Variants in CPAP observed in about 807,000 individuals in gnomAD.
CPAP encodes centrosomal P4.1-associated protein.
At chr13:24,912,588 A>C in the CPAP span, 1 of 1,613,290 alleles carries the variant, frequency 6.2e-7, no homozygotes. Flanking sequence ...GTACCTGTTC[A>C]AGTTTTTTAA....
At chr13:24,883,330 T>TC in the CPAP span, 1 of 1,613,808 alleles carries the variant, frequency 6.2e-7, no homozygotes. Context: ...TATGTAGTTC[T>TC]CTTTGGCCAT....
At chr13:24,924,122 C>T in the CPAP span, among the ~76,000 whole-genome samples, 7 of 152,238 alleles carry the variant, frequency 4.6e-5, no homozygotes, top group East Asian at 9.6e-4. Context: ...CGTGAGCCAC[C>T]GCGCCCGGCC....
chr13:24,904,189 C>T, the CPAP span: 212 of 1,051,202 alleles, frequency 2.0e-4, no homozygotes, highest in Admixed American at 3.6e-4. Context: ...AGAAACAATG[C>T]TTCAAACATG....
chr13:24,886,127 AAC>A, the CPAP span: 1 of 413,794 alleles, frequency 2.4e-6, no homozygotes, highest in Non-Finnish European at 4.7e-6. Context: ...TTACAAAATA[AAC>A]ACGCCCCCAC....
chr13:24,887,878 G>A, the CPAP span, among the ~76,000 whole-genome samples: 1 of 152,142 alleles, frequency 6.6e-6, no homozygotes, highest in Admixed American at 6.6e-5. Context: ...GTGCAGAGTT[G>A]CTGCAAGTCT....
At chr13:24,899,074 T>C in the CPAP span, among the ~76,000 whole-genome samples, 4 of 152,208 alleles carry the variant, frequency 2.6e-5, no homozygotes, top group African/African-American at 9.6e-5. Context: ...TAAATTATGA[T>C]AAATGAACAG....
At chr13:24,907,829 G>T in the CPAP span, among the ~76,000 whole-genome samples, 1 of 152,126 alleles carries the variant, frequency 6.6e-6, no homozygotes, top group Non-Finnish European at 1.5e-5. Flanking sequence ...CAATGTCAAG[G>T]CAGCTTGACA....
chr13:24,884,472 C>A, the CPAP span: 5 of 1,613,786 alleles, frequency 3.1e-6, no homozygotes, highest in Non-Finnish European at 4.2e-6. Flanking sequence ...ACCTAAAAAA[C>A]CAACACAAGA....
chr13:24,904,962 G>A, the CPAP span, among the ~76,000 whole-genome samples: 1 of 152,158 alleles, frequency 6.6e-6, no homozygotes, highest in Middle Eastern at 3.4e-3. Context: ...GCAAGGTGCA[G>A]GACAGTATAC....
the CPAP span, among the ~76,000 whole-genome samples, chr13:24,916,803 G>T: frequency 5.9e-5 from 9 of 152,170 alleles, no homozygotes; most frequent in Non-Finnish European, 1.0e-4. Flanking sequence ...CCATTAACAG[G>T]AGATCAGCTA....
the CPAP span, among the ~76,000 whole-genome samples, chr13:24,901,324 T>A: frequency 6.6e-6 from 1 of 152,154 alleles, no homozygotes; most frequent in Admixed American, 6.5e-5. Flanking sequence ...TATAAAAGCA[T>A]GCTCAACTTT....
the CPAP span, chr13:24,892,817 T>C: frequency 0.54 from 865,353 of 1,610,908 alleles, 236,901 homozygotes; most frequent in East Asian, 0.71. Context: ...ACCATTTGGT[T>C]TCCTTTCTTT....
the CPAP span, among the ~76,000 whole-genome samples, chr13:24,919,560 A>G: frequency 6.6e-6 from 1 of 151,818 alleles, no homozygotes; most frequent in Non-Finnish European, 1.5e-5. Flanking sequence ...AGCCAGGACC[A>G]TAGGCATATA....
At chr13:24,905,880 C>T in the CPAP span, 9 of 1,614,178 alleles carry the variant, frequency 5.6e-6, no homozygotes, top group Non-Finnish European at 6.8e-6. Flanking sequence ...CTCTCTCTAT[C>T]CTCAGTCGAT....
the CPAP span, chr13:24,907,931 G>C: frequency 3.0e-6 from 3 of 1,003,718 alleles, no homozygotes; most frequent in Non-Finnish European, 4.7e-6. Context: ...GAAAAATATA[G>C]ATCTTTCAAA....
At chr13:24,932,071 C>A in the CPAP span, among the ~76,000 whole-genome samples, 4 of 152,208 alleles carry the variant, frequency 2.6e-5, no homozygotes, top group Non-Finnish European at 4.4e-5. Flanking sequence ...TCTCCGAGTG[C>A]GAGTTTTCGC....
At chr13:24,911,300 T>C in the CPAP span, among the ~76,000 whole-genome samples, 1 of 152,174 alleles carries the variant, frequency 6.6e-6, no homozygotes, top group Non-Finnish European at 1.5e-5. Context: ...AAACCACTGC[T>C]CCAGGTCACA....
the CPAP span, chr13:24,892,637 G>A: frequency 5.6e-6 from 9 of 1,606,116 alleles, no homozygotes; most frequent in African/African-American, 4.0e-5. Flanking sequence ...CCGCCTCCCT[G>A]CCTACCGCAA....
the CPAP span, chr13:24,883,048 G>T: frequency 1.2e-6 from 1 of 825,950 alleles, no homozygotes; most frequent in Non-Finnish European, 2.0e-6. Flanking sequence ...ATGCCACAGG[G>T]TAAACTTTTA....
Sources: gnomAD v4.1 joint callset for allele counts (sites outside exome capture counted in the v4.1 genomes callset) on GRCh38, gnomAD v4.1.1 for gene constraint, MANE v1.5 for transcripts, NCBI Gene and HGNC (gene_info 2026-07-23, HGNC 2026-07-21) for gene names.